GRM7: variants seen among roughly 807,000 people sequenced by gnomAD.
GRM7 encodes the protein glutamate metabotropic receptor 7.
In GRM7, 35 loss-of-function variants were observed where a neutral mutation model predicts 84.5. That is an observed-to-expected ratio of 0.41 (90% CI 0.32 to 0.55). The LOEUF (loss-of-function observed/expected upper bound fraction) is 0.55. GRM7 is among the 20% of genes least tolerant of loss of function. GRM7 has a pLI of 0.19. For missense variants in GRM7, 1,003 were observed against 1,194.6 expected, an observed-to-expected ratio of 0.84 and a Z score of 2.36; for synonymous variants, 487 against 455.1, an observed-to-expected ratio of 1.07 and a Z score of -0.89.
chr3:7,661,073 G>T (rs1030444061), intron 8 of GRM7, among the ~76,000 whole-genome samples: 1 of 152,136 alleles, frequency 6.6e-6, no homozygotes, highest in Non-Finnish European at 1.5e-5. Context: ...GTATCATGCC[G>T]AACACACAAT....
At position 7,670,531 on chromosome 3, in the gene GRM7, T is replaced by A. The variant is rs1446306497; in HGVS notation, c.2452-9518T>A. ...CTAGTTTTAATGAACCCTTTACAAGTTGAATAGGCCCAAGAAATGCTTAGG... is the reference window on the plus strand; with the variant it reads ...CTAGTTTTAATGAACCCTTTACAAGATGAATAGGCCCAAGAAATGCTTAGG... On this transcript the variant is annotated intron_variant, in intron 8 of 9. Coordinates refer to ENST00000357716, the MANE Select transcript of GRM7 (RefSeq NM_000844.4). 2.6e-5 allele frequency among the ~76,000 whole-genome samples: 4 copies of A among 152,336 alleles called. No individual in the cohort carries two copies. In the South Asian group the frequency reaches 8.3e-4, roughly 32 times the overall value.
intron 4 of GRM7, among the ~76,000 whole-genome samples, chr3:7,339,682 T>G (rs1203632843): frequency 1.3e-5 from 2 of 151,700 alleles, no homozygotes; most frequent in African/African-American, 4.9e-5. Flanking sequence ...AAATCCTGCT[T>G]CTTCATGGCA....
chr3:7,075,489 T>G (rs372891445), intron 1 of GRM7, among the ~76,000 whole-genome samples: 3 of 147,238 alleles, frequency 2.0e-5, no homozygotes, highest in African/African-American at 7.6e-5. Context: ...AACTTCTTGC[T>G]TCTCAGATGT....
At chr3:7,714,650 C>T (rs1701710967) in intron 9 of GRM7, among the ~76,000 whole-genome samples, 1 of 152,170 alleles carries the variant, frequency 6.6e-6, no homozygotes, top group Non-Finnish European at 1.5e-5. Flanking sequence ...TCCCAATCTG[C>T]CTAATGCTGA....
At chr3:7,224,397 G>A (rs1476844141) in intron 2 of GRM7, among the ~76,000 whole-genome samples, 2 of 152,150 alleles carry the variant, frequency 1.3e-5, no homozygotes, top group Non-Finnish European at 2.9e-5. Context: ...CCGCCCCCAG[G>A]ATTCAATCAC....
At chr3:6,939,200 AC>A (rs1195025311) in intron 1 of GRM7, among the ~76,000 whole-genome samples, 4 of 152,204 alleles carry the variant, frequency 2.6e-5, no homozygotes, top group African/African-American at 9.6e-5. Flanking sequence ...TACATATAGA[AC>A]CAAAAAAACA....
At chr3:6,953,043 A>G (rs1298117723) in intron 1 of GRM7, among the ~76,000 whole-genome samples, 1 of 152,154 alleles carries the variant, frequency 6.6e-6, no homozygotes, top group Non-Finnish European at 1.5e-5. Context: ...TGGTGTAACA[A>G]CAGTTCTCTA....
chr3:6,941,043 C>G (rs892517356), intron 1 of GRM7, among the ~76,000 whole-genome samples: 1 of 152,192 alleles, frequency 6.6e-6, no homozygotes, highest in Non-Finnish European at 1.5e-5. Flanking sequence ...CCATCAGTCC[C>G]TGCCTCTCTT....
chr3:7,708,980 A>G (rs1474114472), intron 9 of GRM7, among the ~76,000 whole-genome samples: 2 of 152,038 alleles, frequency 1.3e-5, no homozygotes, highest in Admixed American at 6.6e-5. Context: ...TTGAAAGTCA[A>G]TTCAATCACC....
Position 6,861,961 on chromosome 3 carries a change from A to T in GRM7, c.519+54A>T, listed in dbSNP as rs1694769633. ...CACACAGTGGCTACCTGCGCCCTTAACCCTAAAAGCTGGCTTGGACTCCGG... is the reference window on the plus strand; with the variant it reads ...CACACAGTGGCTACCTGCGCCCTTATCCCTAAAAGCTGGCTTGGACTCCGG... On this transcript the variant is annotated intron_variant, in intron 1 of 9. Transcript: ENST00000357716. The surrounding 1 kb of genome is among the most constrained non-coding windows in gnomAD (Gnocchi z 6.4). The T allele has an allele frequency of 6.8e-7, 1 of 1,480,200 alleles. No individual in the cohort carries two copies. The highest frequency in any genetic ancestry group is 1.9e-5 in the Admixed American group (1 of 52,920). 91.7% of individuals were successfully genotyped at this position (1,480,200 alleles called of 1,614,324 possible). A position where few individuals can be genotyped will look rare whatever the true frequency, so the allele number is the denominator to read the frequency against.
chr3:7,157,023 A>G (rs1694473032), intron 2 of GRM7, among the ~76,000 whole-genome samples: 1 of 152,158 alleles, frequency 6.6e-6, no homozygotes, highest in African/African-American at 2.4e-5. Context: ...GGAAGATGTA[A>G]GGAATCAAGA....
At chr3:7,184,193 T>C (rs1346637685) in intron 2 of GRM7, among the ~76,000 whole-genome samples, 2 of 152,122 alleles carry the variant, frequency 1.3e-5, no homozygotes, top group African/African-American at 2.4e-5. Context: ...TAGCATACTT[T>C]TATAGCAGAA....
At chr3:7,451,117 CT>C (rs374481036) in intron 5 of GRM7, among the ~76,000 whole-genome samples, 167 of 152,284 alleles carry the variant, frequency 1.1e-3, no homozygotes, top group African/African-American at 4.0e-3. Flanking sequence ...GAAAATATTG[CT>C]GTGAAAGTGA....
intron 7 of GRM7, among the ~76,000 whole-genome samples, chr3:7,480,245 G>C (rs1056038202): frequency 3.3e-5 from 5 of 152,184 alleles, no homozygotes; most frequent in African/African-American, 1.2e-4. Flanking sequence ...AGATAGAAGA[G>C]TTGGGGACTT....
chr3:7,353,708 G>A (rs1372187872), intron 4 of GRM7, among the ~76,000 whole-genome samples: 2 of 152,108 alleles, frequency 1.3e-5, no homozygotes, highest in East Asian at 3.9e-4. Flanking sequence ...GCTCTTGTCT[G>A]CATTCCAGAC....
At chr3:7,075,115 T>C (rs995752270) in intron 1 of GRM7, among the ~76,000 whole-genome samples, 8 of 152,198 alleles carry the variant, frequency 5.3e-5, no homozygotes, top group Non-Finnish European at 1.2e-4. Context: ...AGGGGATTTA[T>C]GCAAAAAAGA....
intron 1 of GRM7, among the ~76,000 whole-genome samples, chr3:7,081,060 C>A (rs1698260222): frequency 6.6e-6 from 1 of 151,980 alleles, no homozygotes; most frequent in South Asian, 2.1e-4. Context: ...AGCTTCTCCC[C>A]CCTTGTTGTC....
intron 9 of GRM7, among the ~76,000 whole-genome samples, chr3:7,722,565 C>T (rs1245327488): frequency 6.6e-6 from 1 of 151,574 alleles, no homozygotes; most frequent in Non-Finnish European, 1.5e-5. Flanking sequence ...GCCTTAGACT[C>T]CCGAGTAGCT....
intron 1 of GRM7, among the ~76,000 whole-genome samples, chr3:6,940,143 A>C (rs1697835382): frequency 6.6e-6 from 1 of 152,070 alleles, no homozygotes; most frequent in Non-Finnish European, 1.5e-5. Context: ...CCAGGCTGGA[A>C]TGCAGTGGCA....
Sources: allele counts gnomAD v4.1 joint callset (sites outside exome capture counted in the v4.1 genomes callset), GRCh38; gene constraint gnomAD v4.1.1; non-coding constraint Gnocchi (gnomAD v3.1); transcripts MANE v1.5; gene names NCBI Gene and HGNC (gene_info 2026-07-23, HGNC 2026-07-21).